The following WWOX variants were observed in gnomAD, a reference collection of about 807,000 sequenced individuals.
The protein encoded by WWOX is WW domain-containing oxidoreductase.
Under a neutral mutation model 46.2 loss-of-function variants are expected in WWOX, and 69 were observed. That is an observed-to-expected ratio of 1.49 (90% confidence interval 1.23 to 1.82). WWOX has a LOEUF of 1.82. Among genes scored for constraint, WWOX ranks in the 40% most tolerant of loss-of-function variants. WWOX has a pLI of 0.00. For synonymous variants in WWOX, 359 were observed against 202.6 expected, an observed-to-expected ratio of 1.77 and a Z score of -6.56; for missense variants, 919 against 542.6, an observed-to-expected ratio of 1.69 and a Z score of -6.89.
rs377486613 is a variant in WWOX at position 78,633,068 on chromosome 16, A to G, written c.1056+200316A>G. On this transcript the variant is annotated intron_variant, in intron 8 of 8. Transcript: ENST00000566780. ...ACTTGAGGTCAGGAGTTTGAGAGCA[A>G]TCTGGCCAACATGGTGAAACCCTGT... Among the ~76,000 whole-genome samples the G allele has an allele frequency of 3.9e-5, 6 of 152,088 alleles. No homozygotes were observed. The East Asian group carries it at 5.9e-4, about 15-fold the overall frequency.
At chr16:78,442,349 A>G (rs1333510933) in intron 8 of WWOX, among the ~76,000 whole-genome samples, 3 of 152,034 alleles carry the variant, frequency 2.0e-5, no homozygotes, top group African/African-American at 7.3e-5. Flanking sequence ...CGTTAACTGT[A>G]TTCACCATGC....
At chr16:78,721,236 G>C (rs2048682240) in intron 8 of WWOX, among the ~76,000 whole-genome samples, 1 of 111,600 alleles carries the variant, frequency 9.0e-6, no homozygotes, top group South Asian at 2.9e-4. Flanking sequence ...TATGCCCCAT[G>C]TCTAAGAAAA....
chr16:78,508,079 C>G (rs972317675), intron 8 of WWOX, among the ~76,000 whole-genome samples: 1 of 151,818 alleles, frequency 6.6e-6, no homozygotes, highest in Non-Finnish European at 1.5e-5. Flanking sequence ...ATGATCTTAG[C>G]TCACTGCATC....
chr16:79,212,196 C>G lies in WWOX; in HGVS notation c.*400C>G. The G allele has an allele frequency of 6.8e-7, 1 of 1,460,104 alleles. No homozygotes were observed. Among genetic ancestry groups the G allele is most frequent in the Non-Finnish European group, 9.0e-7 (1 of 1,113,672 alleles). The allele number at this position is 1,460,104 out of a possible 1,614,324, so 90.4% of individuals were successfully genotyped here. On this transcript the variant is annotated 3_prime_UTR_variant, in exon 9 of 9. Transcript: ENST00000566780. ...CACTGCAGCCGGGGGCTGGCCTTCT[C>G]CTACTTAGGGAAGAAAAAGCAAGTG...
chr16:78,851,591 A>T (rs1041294932), intron 8 of WWOX, among the ~76,000 whole-genome samples: 1 of 152,190 alleles, frequency 6.6e-6, no homozygotes, highest in African/African-American at 2.4e-5. Flanking sequence ...GAGGGACTTT[A>T]TCTGTCTCAT....
intron 4 of WWOX, among the ~76,000 whole-genome samples, chr16:78,157,784 C>T (rs1455324475): frequency 4.6e-5 from 7 of 152,122 alleles, no homozygotes; most frequent in African/African-American, 1.2e-4. Context: ...ATTCAGCCCT[C>T]GGGTTACCAT....
chr16:78,105,364 C>G (rs996116713), intron 1 of WWOX, among the ~76,000 whole-genome samples: 1 of 151,696 alleles, frequency 6.6e-6, no homozygotes, highest in Admixed American at 6.6e-5. Flanking sequence ...CAGGCTGAGG[C>G]GGGAGAATTG....
chr16:78,865,675 T>A (rs2043987893), intron 8 of WWOX, among the ~76,000 whole-genome samples: 1 of 151,872 alleles, frequency 6.6e-6, no homozygotes, highest in South Asian at 2.1e-4. Flanking sequence ...AGGTCAGGAG[T>A]TCGACACCAG....
At chr16:79,174,357 A>G (rs2050758578) in intron 8 of WWOX, among the ~76,000 whole-genome samples, 1 of 152,336 alleles carries the variant, frequency 6.6e-6, no homozygotes, top group South Asian at 2.1e-4. Flanking sequence ...TTCAAGATTA[A>G]GAAGGGACTA....
At chr16:78,566,131 C>T (rs151043632) in intron 8 of WWOX, among the ~76,000 whole-genome samples, 18 of 152,188 alleles carry the variant, frequency 1.2e-4, no homozygotes, top group African/African-American at 4.3e-4. Context: ...CCTCTCATGG[C>T]AGAGAGAGGA....
intron 8 of WWOX, among the ~76,000 whole-genome samples, chr16:78,536,532 G>T (rs1439418099): frequency 6.6e-6 from 1 of 152,110 alleles, no homozygotes; most frequent in African/African-American, 2.4e-5. Context: ...TTTTCTCTTG[G>T]TGCAACTTCG....
chr16:78,973,669 A>G (rs2046515857), intron 8 of WWOX, among the ~76,000 whole-genome samples: 1 of 152,168 alleles, frequency 6.6e-6, no homozygotes, highest in Admixed American at 6.5e-5. Context: ...TGGTTTTTCA[A>G]AGTGCTCTTT....
intron 8 of WWOX, among the ~76,000 whole-genome samples, chr16:79,033,330 A>G (rs865839175): frequency 1.3e-4 from 19 of 148,600 alleles, no homozygotes; most frequent in African/African-American, 4.4e-4. Flanking sequence ...AGAGTCTATT[A>G]TATATATTAC....
At chr16:78,964,598 G>C (rs956646502) in intron 8 of WWOX, among the ~76,000 whole-genome samples, 4 of 152,236 alleles carry the variant, frequency 2.6e-5, no homozygotes, top group Non-Finnish European at 5.9e-5. Context: ...CAGTCTGATT[G>C]TGCGATAGAA....
At chr16:78,321,247 T>C (rs912904537) in intron 5 of WWOX, among the ~76,000 whole-genome samples, 1 of 150,578 alleles carries the variant, frequency 6.6e-6, no homozygotes, top group Non-Finnish European at 1.5e-5. Context: ...CTCTTTTGTT[T>C]AAGGCAACAC....
At chr16:78,668,326 G>A (rs997154902) in intron 8 of WWOX, among the ~76,000 whole-genome samples, 4 of 152,030 alleles carry the variant, frequency 2.6e-5, no homozygotes, top group Admixed American at 2.0e-4. Context: ...ATACCCCCAC[G>A]CCTGTCTTTT....
intron 8 of WWOX, among the ~76,000 whole-genome samples, chr16:79,126,607 A>G (rs1054318505): frequency 1.3e-5 from 2 of 152,186 alleles, no homozygotes; most frequent in Non-Finnish European, 2.9e-5. Context: ...CGGTGAGTCA[A>G]TTAAACCTCT....
chr16:78,206,963 C>A (rs1461972851), intron 5 of WWOX, among the ~76,000 whole-genome samples: 1 of 152,170 alleles, frequency 6.6e-6, no homozygotes, highest in Non-Finnish European at 1.5e-5. Flanking sequence ...AAAGTTTAAT[C>A]TGCATAGTGT....
intron 8 of WWOX, among the ~76,000 whole-genome samples, chr16:78,609,861 A>C (rs376926125): frequency 6.6e-6 from 1 of 152,200 alleles, no homozygotes; most frequent in East Asian, 1.9e-4. Context: ...GTTTCTGTCT[A>C]ATTTCAACCT....
Sources: allele counts gnomAD v4.1 joint callset (sites outside exome capture counted in the v4.1 genomes callset), GRCh38; gene constraint gnomAD v4.1.1; transcripts MANE v1.5; gene names NCBI Gene and HGNC (gene_info 2026-07-23, HGNC 2026-07-21).